The following WDFY4 variants were observed in gnomAD, a reference collection of about 807,000 sequenced individuals.
WDFY4 encodes the protein WDFY family member 4, also known as WD repeat- and FYVE domain-containing protein 4.
Under a neutral mutation model 351.9 loss-of-function variants are expected in WDFY4, and 169 were observed. The ratio of observed to expected loss-of-function variants is 0.48; its 90% CI spans 0.42 to 0.55. The LOEUF (loss-of-function observed/expected upper bound fraction) is 0.55, where lower values mean the gene tolerates loss of function less well. Among genes scored for constraint, WDFY4 ranks in the 20% least tolerant of loss-of-function variants. The probability of loss-of-function intolerance (pLI) is 0.00; values close to 1 mark genes in which losing one functional copy is unlikely to be tolerated. For synonymous variants in WDFY4, 1,622 were observed against 1,574.6 expected (o/e 1.03, Z -0.71); for missense variants, 3,803 against 3,935.6 (o/e 0.97, Z 0.90).
chr10:48,793,740 T>C (rs1201005201), intron 23 of WDFY4, among the ~76,000 whole-genome samples: 1 of 152,170 alleles, frequency 6.6e-6, no homozygotes, highest in African/African-American at 2.4e-5. Flanking sequence ...TCAGTTAGGA[T>C]TGAGGAATGA....
At chr10:48,851,196 T>C (rs1028245130) in intron 39 of WDFY4, among the ~76,000 whole-genome samples, 1 of 152,144 alleles carries the variant, frequency 6.6e-6, no homozygotes, top group Non-Finnish European at 1.5e-5. Context: ...CAGGATGGTG[T>C]CCACCCAAAG....
chr10:48,899,690 A>T (rs1589834800), intron 45 of WDFY4, among the ~76,000 whole-genome samples: 1 of 152,184 alleles, frequency 6.6e-6, no homozygotes, highest in Non-Finnish European at 1.5e-5. Context: ...AAAAGAAAAG[A>T]TAGTTATGTG....
In WDFY4 at chr10:48,743,198, G is replaced by A. The variant is rs1006117959; in HGVS notation, c.2109G>A (p.Arg703=). 5.2e-6 allele frequency: 8 copies of A among 1,551,736 alleles called. No individual in the cohort carries two copies. The highest frequency in any genetic ancestry group is 2.4e-5 in the East Asian group (1 of 40,924). The change falls in exon 12 of 62, where the codon AGG becomes AGA. Residue 703 remains arginine (R), a synonymous_variant. Transcript: ENST00000325239. ...ACCCTGTCAATGGCTACTTCTTCAG[G>A]AGGAATGGGCTCTTTGAGAAGCTGG... ...HWDPVNGYFF[R]RNGLFEKLAE...
chr10:48,934,867 T>A (rs1420123926), intron 47 of WDFY4, among the ~76,000 whole-genome samples: 1 of 152,126 alleles, frequency 6.6e-6, no homozygotes, highest in Non-Finnish European at 1.5e-5. Flanking sequence ...GGATCCCGTG[T>A]GATCCCCAAA....
intron 47 of WDFY4, among the ~76,000 whole-genome samples, chr10:48,924,813 T>C (rs1383211268): frequency 6.6e-6 from 1 of 152,258 alleles, no homozygotes; most frequent in Non-Finnish European, 1.5e-5. Context: ...GTAAGACCCT[T>C]GTCAATATGA....
In WDFY4 at chr10:48,913,678, G is replaced by C. The variant is rs781400076; in HGVS notation, c.7586+11815G>C. The stretch of plus-strand genomic sequence containing the variant: ...TTGGGGAGCTTGGAGATGCTCACGG[G>C]GATGTTGTTCAGTAGGTTGTCATGG... On this transcript the variant is annotated intron_variant, in intron 47 of 61. Coordinates refer to ENST00000325239, the MANE Select transcript of WDFY4 (RefSeq NM_001394531.1). The C allele has an allele frequency of 4.3e-6, 7 of 1,613,300 alleles. No individual in the cohort carries two copies. In the South Asian group the frequency reaches 6.6e-5, roughly 15 times the overall value.
At chr10:48,919,247 G>A (rs1589888274) in intron 47 of WDFY4, among the ~76,000 whole-genome samples, 1 of 151,914 alleles carries the variant, frequency 6.6e-6, no homozygotes, top group East Asian at 1.9e-4. Context: ...AATCCCACAG[G>A]CATTAAAGGG....
At chr10:48,864,248 GTTAAT>G (rs2069454348) in intron 39 of WDFY4, among the ~76,000 whole-genome samples, 1 of 152,152 alleles carries the variant, frequency 6.6e-6, no homozygotes. Context: ...TTCATTTTAA[GTTAAT>G]TTTTGTATGT....
intron 1 of WDFY4, among the ~76,000 whole-genome samples, chr10:48,685,400 C>G (rs1046065271): frequency 2.0e-5 from 3 of 152,252 alleles, no homozygotes; most frequent in Non-Finnish European, 1.5e-5. Context: ...GAGAGCAGGC[C>G]GACAGGACAG....
At chr10:48,798,698 A>C (rs1337933447) in intron 24 of WDFY4, among the ~76,000 whole-genome samples, 1 of 152,240 alleles carries the variant, frequency 6.6e-6, no homozygotes, top group Non-Finnish European at 1.5e-5. Context: ...CTCATAGGGA[A>C]ATTCCACCAG....
intron 51 of WDFY4, among the ~76,000 whole-genome samples, chr10:48,956,407 CAG>C (rs1442124870): frequency 6.6e-6 from 1 of 152,166 alleles, no homozygotes. Context: ...CCCCTGGTCC[CAG>C]AGTCTCCTTC....
intron 45 of WDFY4, among the ~76,000 whole-genome samples, chr10:48,897,838 C>T (rs1287859917): frequency 2.6e-5 from 4 of 152,246 alleles, no homozygotes; most frequent in South Asian, 2.1e-4. Context: ...TTAGCTGCTT[C>T]GCTGTTTTGC....
Position 48,966,707 on chromosome 10 carries a change from G to C in WDFY4, c.8584+34G>C. On this transcript the variant is annotated intron_variant, in intron 55 of 61. Transcript: ENST00000325239. ...CTGGCCATGCATTGTTTGGTGTCCTGTCCCAGGGTTGTCCCTTCAGTGGCT... is the reference window on the plus strand; with the variant it reads ...CTGGCCATGCATTGTTTGGTGTCCTCTCCCAGGGTTGTCCCTTCAGTGGCT... 3 of 1,540,004 alleles carry C rather than the reference G, an allele frequency of 1.9e-6. No homozygotes were observed. The South Asian group carries it at 3.6e-5, about 19-fold the overall frequency.
chr10:48,936,371 A>G (rs1840360253), intron 47 of WDFY4, among the ~76,000 whole-genome samples: 2 of 152,148 alleles, frequency 1.3e-5, no homozygotes, highest in African/African-American at 4.8e-5. Flanking sequence ...ATTACCTCAA[A>G]TTCTACTACC....
chr10:48,696,570 G>A (rs1033426005), intron 1 of WDFY4, among the ~76,000 whole-genome samples: 6 of 152,380 alleles, frequency 3.9e-5, no homozygotes, highest in South Asian at 2.1e-4. Context: ...GAGGAGACCC[G>A]AGATTGGACA....
chr10:48,763,699 C>T (rs1055987976), intron 13 of WDFY4, among the ~76,000 whole-genome samples: 4 of 152,060 alleles, frequency 2.6e-5, no homozygotes, highest in Admixed American at 6.5e-5. Context: ...CCATTTGGAG[C>T]GAGTTACTTT....
intron 18 of WDFY4, among the ~76,000 whole-genome samples, chr10:48,779,312 C>A (rs531708128): frequency 4.6e-5 from 7 of 152,372 alleles, no homozygotes; most frequent in African/African-American, 1.7e-4. Context: ...AGGGCCACCC[C>A]TCCTTTGGCA....
intron 23 of WDFY4, among the ~76,000 whole-genome samples, chr10:48,793,127 T>C (rs1350968640): frequency 6.6e-6 from 1 of 152,218 alleles, no homozygotes; most frequent in Non-Finnish European, 1.5e-5. Context: ...ACTTAATTGA[T>C]CAAATGCTTC....
chr10:48,866,060 G>A (rs12255772), intron 39 of WDFY4, among the ~76,000 whole-genome samples: 19,473 of 151,728 alleles, frequency 0.13, 1,369 homozygotes, highest in Middle Eastern at 0.21. Context: ...TTTATTTATT[G>A]TTTTTTATAT....
Sources: allele counts gnomAD v4.1 joint callset (sites outside exome capture counted in the v4.1 genomes callset), GRCh38; gene constraint gnomAD v4.1.1; transcripts MANE v1.5; gene names NCBI Gene and HGNC (gene_info 2026-07-23, HGNC 2026-07-21).